DLGAP2: variants seen among roughly 807,000 people sequenced by gnomAD.
DLGAP2 encodes disks large-associated protein 2.
Under a neutral mutation model 100.3 loss-of-function variants are expected in DLGAP2, and 26 were observed. The ratio of observed to expected loss-of-function variants is 0.26; its 90% CI spans 0.19 to 0.36. The LOEUF is 0.36. DLGAP2 is among the 10% of genes least tolerant of loss of function. DLGAP2 has a pLI of 1.00. For synonymous variants in DLGAP2, 886 were observed against 630.1 expected, an observed-to-expected ratio of 1.41 and a Z score of -6.08; for missense variants, 1,858 against 1,453.2, an observed-to-expected ratio of 1.28 and a Z score of -4.53.
chr8:1,327,614 G>A (rs974525824), intron 3 of DLGAP2, among the ~76,000 whole-genome samples: 1 of 152,174 alleles, frequency 6.6e-6, no homozygotes. Context: ...GGAGGCCAAG[G>A]CAGGTGGATC....
Position 1,177,712 on chromosome 8 carries a change from G to GGAAGGCTGGA in DLGAP2, c.74-81139_74-81138insGAAGGCTGGA, listed in dbSNP as rs542459666. Among the ~76,000 whole-genome samples, 27 of 152,290 alleles carry GGAAGGCTGGA rather than the reference G, an allele frequency of 1.8e-4. 1 individual carries two copies. The South Asian group carries it at 5.4e-3, about 30-fold the overall frequency. On this transcript the variant is annotated intron_variant, in intron 2 of 14. Coordinates refer to ENST00000637795, the MANE Select transcript of DLGAP2 (RefSeq NM_001346810.2). ...TCACAGTTCTAGAGGCTGGAAGTCT[G>GGAAGGCTGGA]AGATTGAGATGCCAGCAGGTTCGAT... is the stretch of plus-strand genomic sequence containing the variant.
At chr8:1,229,321 C>T (rs919033128) in intron 2 of DLGAP2, among the ~76,000 whole-genome samples, 2 of 150,832 alleles carry the variant, frequency 1.3e-5, no homozygotes, top group Non-Finnish European at 2.9e-5. Flanking sequence ...CCTTTTTGTA[C>T]GTCTGGTGGA....
chr8:857,953 C>T (rs1426641571), intron 1 of DLGAP2, among the ~76,000 whole-genome samples: 1 of 151,046 alleles, frequency 6.6e-6, no homozygotes, highest in Non-Finnish European at 1.5e-5. Flanking sequence ...TCACTGCAGC[C>T]TCTGTCTCCT....
In DLGAP2 at chr8:1,243,296, G is replaced by A. The variant is rs187361393; in HGVS notation, c.74-15555G>A. On this transcript the variant is annotated intron_variant, in intron 2 of 14. Transcript: ENST00000637795. ...GGCTGGTGCCCTGTAGAGGTGAGGC[G>A]GGAGCTGGTGCAGCTCTGCTCTGCG... Among the ~76,000 whole-genome samples, 146 of 152,206 alleles carry A rather than the reference G, an allele frequency of 9.6e-4. 1 individual carries two copies. Among genetic ancestry groups the A allele is most frequent in the Middle Eastern group, 6.8e-3 (2 of 294 alleles).
intron 2 of DLGAP2, among the ~76,000 whole-genome samples, chr8:951,695 G>C (rs968963824): frequency 2.0e-5 from 3 of 152,238 alleles, no homozygotes; most frequent in Non-Finnish European, 4.4e-5. Flanking sequence ...GACATGTCCA[G>C]GTGCTCCTTG....
chr8:1,240,147 C>A (rs1312160130), intron 2 of DLGAP2, among the ~76,000 whole-genome samples: 1 of 149,758 alleles, frequency 6.7e-6, no homozygotes, highest in South Asian at 2.1e-4. Context: ...GTGTAGTTCT[C>A]TCTCATACAT....
At chr8:1,418,419 TA>T in intron 3 of DLGAP2, among the ~76,000 whole-genome samples, 1 of 152,192 alleles carries the variant, frequency 6.6e-6, no homozygotes, top group Non-Finnish European at 1.5e-5. Context: ...GGCATGTTTT[TA>T]AAAAGATGAT....
intron 1 of DLGAP2, among the ~76,000 whole-genome samples, chr8:874,462 T>C (rs561275371): frequency 3.7e-4 from 57 of 152,296 alleles, no homozygotes; most frequent in African/African-American, 1.2e-3. Flanking sequence ...CTTTGTCCCA[T>C]TGGTTATTTG....
chr8:1,076,830 A>G (rs1367365066), intron 2 of DLGAP2, among the ~76,000 whole-genome samples: 9 of 145,886 alleles, frequency 6.2e-5, no homozygotes, highest in Admixed American at 5.4e-4. Flanking sequence ...GCCCCCCCCC[A>G]AGACCAAGAG....
chr8:873,427 A>C (rs922807227), intron 1 of DLGAP2, among the ~76,000 whole-genome samples: 5 of 152,236 alleles, frequency 3.3e-5, no homozygotes, highest in Admixed American at 3.3e-4. Context: ...AACAGAATTT[A>C]GTCTTCCACC....
chr8:1,162,457 G>A (rs905007359), intron 2 of DLGAP2, among the ~76,000 whole-genome samples: 4 of 152,164 alleles, frequency 2.6e-5, no homozygotes, highest in Non-Finnish European at 4.4e-5. Context: ...TCGTGGAAGA[G>A]AAATATGCAA....
At chr8:1,254,019 A>C (rs990497032) in intron 2 of DLGAP2, among the ~76,000 whole-genome samples, 5 of 152,216 alleles carry the variant, frequency 3.3e-5, no homozygotes, top group African/African-American at 1.2e-4. Context: ...GCGGAACCAC[A>C]GTCTCTGATC....
intron 2 of DLGAP2, among the ~76,000 whole-genome samples, chr8:985,476 C>T (rs1018977065): frequency 3.9e-5 from 6 of 152,234 alleles, no homozygotes; most frequent in African/African-American, 1.4e-4. Flanking sequence ...CATCCGTAGT[C>T]TCAAAGATGT....
intron 4 of DLGAP2, among the ~76,000 whole-genome samples, chr8:1,519,269 C>A (rs952283938): frequency 6.6e-6 from 1 of 151,658 alleles, no homozygotes; most frequent in African/African-American, 2.4e-5. Flanking sequence ...CCATCCTACG[C>A]CTGAAAACCA....
intron 2 of DLGAP2, among the ~76,000 whole-genome samples, chr8:1,098,854 G>T (rs1804488100): frequency 6.6e-6 from 1 of 152,070 alleles, no homozygotes; most frequent in Admixed American, 6.5e-5. Context: ...CGCACACCAG[G>T]GTCCCGGTAG....
At chr8:1,672,870 G>C (rs932464051) in intron 10 of DLGAP2, among the ~76,000 whole-genome samples, 7 of 152,242 alleles carry the variant, frequency 4.6e-5, no homozygotes, top group African/African-American at 1.7e-4. Context: ...GGTGTTGAAG[G>C]AAGAGCGGAA....
chr8:1,623,084 C>T (rs1316523636), intron 6 of DLGAP2, among the ~76,000 whole-genome samples: 1 of 152,144 alleles, frequency 6.6e-6, no homozygotes, highest in South Asian at 2.1e-4. Flanking sequence ...TTTTAAAAAG[C>T]CTCTTAAGCC....
chr8:1,266,762 T>TG (rs1799459313), intron 3 of DLGAP2, among the ~76,000 whole-genome samples: 1 of 151,920 alleles, frequency 6.6e-6, no homozygotes, highest in Non-Finnish European at 1.5e-5. Flanking sequence ...TGTATATGTG[T>TG]TTGTGTGTGT....
intron 3 of DLGAP2, among the ~76,000 whole-genome samples, chr8:1,324,476 G>A (rs746824281): frequency 3.3e-5 from 5 of 152,174 alleles, no homozygotes; most frequent in Non-Finnish European, 7.3e-5. Context: ...CAAGCGACAT[G>A]TTTCCACAGG....
Sources: gnomAD v4.1 joint callset for allele counts (sites outside exome capture counted in the v4.1 genomes callset) on GRCh38, gnomAD v4.1.1 for gene constraint, MANE v1.5 for transcripts, NCBI Gene and HGNC (gene_info 2026-07-23, HGNC 2026-07-21) for gene names.